Variants in SLC4A4 observed in about 807,000 individuals in gnomAD.
SLC4A4 encodes solute carrier family 4 member 4.
SLC4A4 carries 27 observed loss-of-function variants against 111.5 expected under a neutral mutation model. The observed-to-expected ratio is 0.24, with a 90% CI of 0.18 to 0.33. The LOEUF (loss-of-function observed/expected upper bound fraction) is 0.33. Ranked by LOEUF, SLC4A4 falls within the 10% of genes least tolerant of loss-of-function variation. SLC4A4 has a pLI of 1.00. For synonymous variants in SLC4A4, 443 were observed against 463.4 expected (o/e 0.96, Z 0.57); for missense variants, 909 against 1,315.5 (o/e 0.69, Z 4.78).
intron 6 of SLC4A4, among the ~76,000 whole-genome samples, chr4:71,392,986 C>G (rs530534857): frequency 4.8e-4 from 73 of 152,192 alleles, no homozygotes; most frequent in African/African-American, 1.6e-3. Flanking sequence ...GATTAAAACT[C>G]TCAACAAAAT....
chr4:71,209,131 T>A (rs1206824208), intron 1 of SLC4A4, among the ~76,000 whole-genome samples: 7 of 152,274 alleles, frequency 4.6e-5, no homozygotes, highest in Non-Finnish European at 1.0e-4. Flanking sequence ...AGTTACTTTA[T>A]ATGACAAGGG....
chr4:71,191,340 GTTC>G (rs1745724416), intron 1 of SLC4A4, among the ~76,000 whole-genome samples: 3 of 152,288 alleles, frequency 2.0e-5, no homozygotes, highest in African/African-American at 7.2e-5. Context: ...ACATCATCTT[GTTC>G]TTCTTTCCTG....
intron 3 of SLC4A4, among the ~76,000 whole-genome samples, chr4:71,329,194 G>T (rs1277351828): frequency 1.3e-5 from 2 of 151,724 alleles, no homozygotes; most frequent in Non-Finnish European, 3.0e-5. Flanking sequence ...CATTTTTATG[G>T]CAGTACTCTG....
At chr4:71,562,578 CT>C (rs896467874) in intron 23 of SLC4A4, among the ~76,000 whole-genome samples, 8 of 148,616 alleles carry the variant, frequency 5.4e-5, no homozygotes, top group Non-Finnish European at 6.0e-5. Flanking sequence ...GCAACCACTG[CT>C]TTTTTTTTTC....
At chr4:71,477,017 A>T (rs948066420) in intron 14 of SLC4A4, among the ~76,000 whole-genome samples, 1 of 151,778 alleles carries the variant, frequency 6.6e-6, no homozygotes, top group Non-Finnish European at 1.5e-5. Flanking sequence ...AAACTGAAAA[A>T]TATCCAATTG....
chr4:71,139,517 T>C (rs1374383677), intron 2 of SLC4A4, among the ~76,000 whole-genome samples: 1 of 152,162 alleles, frequency 6.6e-6, no homozygotes, highest in Non-Finnish European at 1.5e-5. Context: ...CTTCCGACCC[T>C]GTGGGCATCC....
chr4:71,447,211 G>C (rs1006631611), intron 8 of SLC4A4, among the ~76,000 whole-genome samples: 5 of 152,286 alleles, frequency 3.3e-5, no homozygotes, highest in Non-Finnish European at 2.9e-5. Context: ...ACGATCATCT[G>C]TCACTGCCCA....
intron 6 of SLC4A4, among the ~76,000 whole-genome samples, chr4:71,361,010 G>A (rs1730729063): frequency 1.3e-5 from 2 of 152,110 alleles, no homozygotes. Context: ...TGAATCCCAG[G>A]TACACCCAGG....
chr4:71,552,044 C>T (rs1295961041), intron 20 of SLC4A4, among the ~76,000 whole-genome samples: 1 of 151,928 alleles, frequency 6.6e-6, no homozygotes, highest in East Asian at 2.0e-4. Context: ...CCACTGAGGA[C>T]CAAGGAGAGT....
At chr4:71,078,320 G>C (rs932001677) in intron 1 of SLC4A4, among the ~76,000 whole-genome samples, 12 of 152,002 alleles carry the variant, frequency 7.9e-5, no homozygotes, top group Admixed American at 7.2e-4. Context: ...TTGAATAACA[G>C]AGCCCCACTC....
At chr4:71,090,575 CT>C (rs1742360588) in intron 1 of SLC4A4, among the ~76,000 whole-genome samples, 2 of 152,148 alleles carry the variant, frequency 1.3e-5, no homozygotes, top group African/African-American at 4.8e-5. Context: ...GAAGGGGAGA[CT>C]TTGTGGCCTG....
chr4:71,336,299 T>C (rs1256907942), intron 3 of SLC4A4, among the ~76,000 whole-genome samples: 2 of 152,188 alleles, frequency 1.3e-5, no homozygotes, highest in East Asian at 1.9e-4. Context: ...AAAAAAAGAC[T>C]TTGCAAACTG....
chr4:71,294,428 T>C (rs953594173), intron 3 of SLC4A4, among the ~76,000 whole-genome samples: 1 of 152,238 alleles, frequency 6.6e-6, no homozygotes, highest in Non-Finnish European at 1.5e-5. Flanking sequence ...TAAAATTGGT[T>C]GGAACCTGGC....
chr4:71,417,574 T>C (rs1445572987), intron 7 of SLC4A4, among the ~76,000 whole-genome samples: 1 of 152,230 alleles, frequency 6.6e-6, no homozygotes, highest in Non-Finnish European at 1.5e-5. Flanking sequence ...ACCTAGAACC[T>C]GCAGTTCTTG....
In SLC4A4 at chr4:71,277,646, C is replaced by A. The variant is rs975276271; in HGVS notation, c.253+22247C>A. On this transcript the variant is annotated intron_variant, in intron 3 of 25. Coordinates refer to ENST00000264485, the MANE Select transcript of SLC4A4 (RefSeq NM_001098484.3). ...TCCTTCCTCTCTCTCTCATTCACTT[C>A]TCTCTCCTTCTTTCTCTGTTTTTCT... Among the ~76,000 whole-genome samples the A allele has an allele frequency of 2.0e-5, 3 of 148,230 alleles. No individual in the cohort carries two copies. The East Asian group carries it at 5.9e-4, about 29-fold the overall frequency.
chr4:71,294,799 C>T (rs1448241877), intron 3 of SLC4A4, among the ~76,000 whole-genome samples: 1 of 152,178 alleles, frequency 6.6e-6, no homozygotes. Flanking sequence ...TGGCTTTCTT[C>T]TGCTAGTGAT....
chr4:71,393,398 A>G (rs190391936), intron 6 of SLC4A4, among the ~76,000 whole-genome samples: 4 of 152,280 alleles, frequency 2.6e-5, no homozygotes, highest in East Asian at 3.9e-4. Flanking sequence ...CAAATCAAGA[A>G]TGCATCCCCT....
At chr4:71,497,821 C>A in intron 16 of SLC4A4, 129 bp downstream of exon 16, 1 of 777,084 alleles carries the variant, frequency 1.3e-6, no homozygotes, top group African/African-American at 1.7e-5. Context: ...TTAAACATTA[C>A]ACTTCAATCT....
rs573387770 is a variant in SLC4A4 at position 71,147,392 on chromosome 4, G to A, written c.-2+54600G>A. Among the ~76,000 whole-genome samples the A allele has an allele frequency of 4.6e-5, 7 of 152,058 alleles. No homozygotes were observed. In the South Asian group the frequency reaches 1.0e-3, roughly 23 times the overall value. Reference sequence around the variant, plus strand: ...GCCTTTTTCCCAACTCTCCTTGGAGGTGGTGGTTCATGATGGTCAGTGAGT... The same window carrying A: ...GCCTTTTTCCCAACTCTCCTTGGAGATGGTGGTTCATGATGGTCAGTGAGT... On this transcript the variant is annotated intron_variant, in intron 2 of 26. Coordinates refer to the SLC4A4 transcript ENST00000649996.
Sources: allele counts gnomAD v4.1 joint callset (sites outside exome capture counted in the v4.1 genomes callset), GRCh38; gene constraint gnomAD v4.1.1; transcripts MANE v1.5; gene names NCBI Gene and HGNC (gene_info 2026-07-23, HGNC 2026-07-21).